Variants in SLC8A1 observed in about 807,000 individuals in gnomAD.
The protein encoded by SLC8A1 is sodium/calcium exchanger 1.
SLC8A1 carries 18 observed loss-of-function variants against 68.3 expected under a neutral mutation model. The observed-to-expected ratio is 0.26, with a 90% CI of 0.18 to 0.39. SLC8A1 has a LOEUF of 0.39. SLC8A1 is among the 10% of genes least tolerant of loss of function. The pLI is 1.00. For missense variants in SLC8A1, 985 were observed against 1,156.7 expected (o/e 0.85, Z 2.15); for synonymous variants, 475 against 415.5 (o/e 1.14, Z -1.74).
intron 1 of SLC8A1, among the ~76,000 whole-genome samples, chr2:40,450,541 A>G (rs1013091608): frequency 2.0e-5 from 3 of 152,150 alleles, no homozygotes; most frequent in African/African-American, 7.2e-5. Context: ...TCTGATCAGA[A>G]ATCTCCACCT....
chr2:40,264,746 G>A (rs1431976080), intron 2 of SLC8A1, among the ~76,000 whole-genome samples: 1 of 152,168 alleles, frequency 6.6e-6, no homozygotes, highest in Non-Finnish European at 1.5e-5. Context: ...TATACCTAAT[G>A]TTAAATGACG....
chr2:40,330,021 T>G (rs1055779445), intron 2 of SLC8A1, among the ~76,000 whole-genome samples: 1 of 152,156 alleles, frequency 6.6e-6, no homozygotes, highest in Admixed American at 6.6e-5. Flanking sequence ...AAGCATAAAC[T>G]AATGTTTCTA....
At chr2:40,389,963 C>T (rs1374046838) in intron 2 of SLC8A1, among the ~76,000 whole-genome samples, 2 of 151,778 alleles carry the variant, frequency 1.3e-5, no homozygotes, top group Non-Finnish European at 1.5e-5. Context: ...CACAGTGAAT[C>T]TGGTATTCTA....
At chr2:40,285,762 T>G (rs1370161625) in intron 2 of SLC8A1, among the ~76,000 whole-genome samples, 1 of 152,210 alleles carries the variant, frequency 6.6e-6, no homozygotes, top group Non-Finnish European at 1.5e-5. Flanking sequence ...CATAATGTGG[T>G]TTTTAACAAC....
At chr2:40,494,886 A>G (rs1705591204) in intron 1 of SLC8A1, among the ~76,000 whole-genome samples, 1 of 151,452 alleles carries the variant, frequency 6.6e-6, no homozygotes, top group Admixed American at 6.6e-5. Context: ...CCGTGTTTAT[A>G]TGCTTTCTCA....
chr2:40,184,051 C>A (rs981422296), intron 2 of SLC8A1, among the ~76,000 whole-genome samples: 1 of 151,972 alleles, frequency 6.6e-6, no homozygotes, highest in African/African-American at 2.4e-5. Flanking sequence ...GTAGTGCTTG[C>A]CTGCACCCCA....
chr2:40,207,237 C>T (rs1171780946), intron 2 of SLC8A1, among the ~76,000 whole-genome samples: 1 of 151,870 alleles, frequency 6.6e-6, no homozygotes, highest in Admixed American at 6.6e-5. Flanking sequence ...ACTTTATTTC[C>T]TAGGGCCTTT....
At chr2:40,409,902 C>T (rs1467054898) in intron 2 of SLC8A1, among the ~76,000 whole-genome samples, 1 of 152,010 alleles carries the variant, frequency 6.6e-6, no homozygotes, top group Non-Finnish European at 1.5e-5. Context: ...ATCAGTGGTG[C>T]TACTGCATAT....
At chr2:40,384,839 A>G (rs1683051738) in intron 2 of SLC8A1, among the ~76,000 whole-genome samples, 1 of 151,966 alleles carries the variant, frequency 6.6e-6, no homozygotes, top group Admixed American at 6.6e-5. Flanking sequence ...TATTGCAATT[A>G]TTGTCTTTTC....
intron 1 of SLC8A1, among the ~76,000 whole-genome samples, chr2:40,508,595 A>C (rs1249720677): frequency 6.6e-6 from 1 of 152,178 alleles, no homozygotes; most frequent in Non-Finnish European, 1.5e-5. Context: ...GCTAAGGACT[A>C]TGATAGATAT....
intron 7 of SLC8A1, among the ~76,000 whole-genome samples, chr2:40,137,276 G>A (rs2040684942): frequency 6.6e-6 from 1 of 152,134 alleles, no homozygotes; most frequent in Admixed American, 6.5e-5. Flanking sequence ...AGAGGTATTG[G>A]GGAGTAAAAA....
chr2:40,273,577 C>T (rs191033527), intron 2 of SLC8A1, among the ~76,000 whole-genome samples: 1 of 152,270 alleles, frequency 6.6e-6, no homozygotes, highest in African/African-American at 2.4e-5. Context: ...CCCCAAGGTA[C>T]TTTATAGGAT....
chr2:40,483,459 A>G (rs982212612), intron 1 of SLC8A1, among the ~76,000 whole-genome samples: 1 of 152,158 alleles, frequency 6.6e-6, no homozygotes. Context: ...AAGCTTCAGC[A>G]CTTGGAGAGG....
intron 1 of SLC8A1, among the ~76,000 whole-genome samples, chr2:40,494,389 A>G (rs2149928211): frequency 6.6e-6 from 1 of 152,078 alleles, no homozygotes; most frequent in Non-Finnish European, 1.5e-5. Flanking sequence ...ACATTTTCTT[A>G]ATCCAGTCTA....
chr2:40,384,341 C>T (rs1039189592), intron 2 of SLC8A1, among the ~76,000 whole-genome samples: 2 of 152,226 alleles, frequency 1.3e-5, no homozygotes, highest in Non-Finnish European at 1.5e-5. Context: ...TCTTGATTCA[C>T]TCTGTATGTT....
intron 6 of SLC8A1, among the ~76,000 whole-genome samples, chr2:40,140,696 G>A (rs953555420): frequency 2.0e-5 from 3 of 152,218 alleles, no homozygotes; most frequent in Non-Finnish European, 4.4e-5. Context: ...AACCCTTCCA[G>A]GGCAGGAATT....
chr2:40,357,120 G>C lies in SLC8A1; in HGVS notation c.1808+71353C>G, dbSNP rs185303005. 5.4e-3 allele frequency among the ~76,000 whole-genome samples: 818 copies of C among 152,280 alleles called. 8 individuals carry two copies. The highest frequency in any genetic ancestry group is 7.9e-3 in the Non-Finnish European group (540 of 68,012). ...ATGAAAGAGAGTTCCAGCTTCATCA[G>C]AGCAAATAACCTGCAGAGTGTATTT... On this transcript the variant is annotated intron_variant, in intron 2 of 7. Transcript: ENST00000406785.
chr2:40,219,719 T>C (rs1469585653), intron 2 of SLC8A1, among the ~76,000 whole-genome samples: 1 of 152,180 alleles, frequency 6.6e-6, no homozygotes, highest in Non-Finnish European at 1.5e-5. Context: ...CTTCAGTTTA[T>C]AGCAATAATG....
At chr2:40,297,619 A>G (rs761327234) in intron 2 of SLC8A1, among the ~76,000 whole-genome samples, 26 of 152,190 alleles carry the variant, frequency 1.7e-4, no homozygotes, top group Non-Finnish European at 7.4e-5. Context: ...TAAAGACTTA[A>G]CCTTCTTTAT....
Sources: gnomAD v4.1 joint callset for allele counts (sites outside exome capture counted in the v4.1 genomes callset) on GRCh38, gnomAD v4.1.1 for gene constraint, MANE v1.5 for transcripts, NCBI Gene and HGNC (gene_info 2026-07-23, HGNC 2026-07-21) for gene names.